Variants in PRELID2 observed in about 807,000 individuals in gnomAD.
PRELID2 encodes the protein PRELI domain containing 2.
In PRELID2, 25 loss-of-function variants were observed where a neutral mutation model predicts 28.4. The observed-to-expected ratio is 0.88, with a 90% confidence interval of 0.64 to 1.23. The LOEUF is 1.23. Ranked by LOEUF, PRELID2 falls within the 50% of genes most tolerant of loss-of-function variation. The pLI, the probability that PRELID2 is intolerant of heterozygous loss-of-function variation, is 0.00. For missense variants in PRELID2, 201 were observed against 214.4 expected (o/e 0.94, Z 0.39); for synonymous variants, 76 against 71.6 (o/e 1.06, Z -0.31).
intron 1 of PRELID2, among the ~76,000 whole-genome samples, chr5:145,571,890 G>C (rs190854351): frequency 1.3e-3 from 194 of 151,580 alleles, no homozygotes; most frequent in African/African-American, 4.4e-3. Context: ...TCTGAGGCAG[G>C]AGAATGGCGT....
intron 1 of PRELID2, among the ~76,000 whole-genome samples, chr5:145,653,379 T>C (rs1158554116): frequency 6.6e-6 from 1 of 152,174 alleles, no homozygotes; most frequent in Non-Finnish European, 1.5e-5. Context: ...GGAATTGAAC[T>C]CAGCTCTGCA....
chr5:145,674,253 T>G (rs1437352550), intron 1 of PRELID2, among the ~76,000 whole-genome samples: 2 of 152,232 alleles, frequency 1.3e-5, no homozygotes, highest in African/African-American at 4.8e-5. Context: ...GTTGGCATGC[T>G]GTACCCATTA....
chr5:145,746,029 A>G (rs1473219141), intron 1 of PRELID2, among the ~76,000 whole-genome samples: 1 of 152,204 alleles, frequency 6.6e-6, no homozygotes, highest in African/African-American at 2.4e-5. Flanking sequence ...TAAATATGGA[A>G]AGGAAAAACT....
At chr5:145,391,610 T>C in the PRELID2 span, among the ~76,000 whole-genome samples, 4 of 152,094 alleles carry the variant, frequency 2.6e-5, no homozygotes, top group Non-Finnish European at 4.4e-5. Flanking sequence ...ATTGTCTTGG[T>C]GATTAACATT....
the PRELID2 span, among the ~76,000 whole-genome samples, chr5:145,287,072 AT>A: frequency 5.9e-5 from 9 of 152,184 alleles, no homozygotes; most frequent in African/African-American, 9.6e-5. Flanking sequence ...CTATTAATAT[AT>A]TTTTTAAACA....
intron 1 of PRELID2, among the ~76,000 whole-genome samples, chr5:145,651,992 G>A (rs1036450456): frequency 2.6e-5 from 4 of 152,186 alleles, no homozygotes; most frequent in Admixed American, 2.0e-4. Flanking sequence ...TCGCAAAGAA[G>A]CTAAAAACCA....
the PRELID2 span, among the ~76,000 whole-genome samples, chr5:145,347,809 A>C: frequency 6.6e-6 from 1 of 152,102 alleles, no homozygotes; most frequent in South Asian, 2.1e-4. Flanking sequence ...CTGTTGGCAT[A>C]TATTGAAACT....
At chr5:145,805,302 G>A (rs1353217148) in intron 4 of PRELID2, among the ~76,000 whole-genome samples, 3 of 152,114 alleles carry the variant, frequency 2.0e-5, no homozygotes, top group African/African-American at 7.2e-5. Flanking sequence ...AAAGTGTTTA[G>A]CGTTTGCTAG....
intron 4 of PRELID2, among the ~76,000 whole-genome samples, chr5:145,804,936 T>C (rs977788499): frequency 1.2e-4 from 18 of 152,204 alleles, no homozygotes; most frequent in African/African-American, 4.3e-4. Context: ...CTGGTGTTGA[T>C]TGTCTGCCCA....
the PRELID2 span, among the ~76,000 whole-genome samples, chr5:145,239,677 C>T: frequency 1.3e-5 from 2 of 151,940 alleles, no homozygotes; most frequent in East Asian, 1.9e-4. Context: ...AATTCAAGGC[C>T]TCCTAGTAAG....
intron 1 of PRELID2, among the ~76,000 whole-genome samples, chr5:145,743,411 CAAA>C (rs59424142): frequency 2.4e-3 from 241 of 101,758 alleles, no homozygotes; most frequent in East Asian, 8.3e-3. Flanking sequence ...AACTCTGCGG[CAAA>C]AAAAAAAAAA....
At chr5:145,279,077 A>G in the PRELID2 span, among the ~76,000 whole-genome samples, 14 of 152,108 alleles carry the variant, frequency 9.2e-5, no homozygotes, top group African/African-American at 7.2e-5. Context: ...AACCCATAAT[A>G]TAAACAAAGA....
the PRELID2 span, among the ~76,000 whole-genome samples, chr5:145,419,937 C>T: frequency 1.3e-5 from 2 of 151,882 alleles, no homozygotes; most frequent in African/African-American, 4.8e-5. Context: ...CCAGTTTCAG[C>T]TTTCTACATA....
the PRELID2 span, among the ~76,000 whole-genome samples, chr5:145,345,767 G>C: frequency 3.3e-5 from 5 of 151,910 alleles, no homozygotes; most frequent in African/African-American, 1.2e-4. Context: ...AAATATAAAG[G>C]GATTCAAGAT....
At chr5:145,444,457 T>A in the PRELID2 span, among the ~76,000 whole-genome samples, 2 of 152,014 alleles carry the variant, frequency 1.3e-5, no homozygotes, top group Non-Finnish European at 2.9e-5. Context: ...GGGCTCTTTT[T>A]TTGGTCCCCA....
chr5:145,507,967 G>A (rs1446752626), intron 1 of PRELID2, among the ~76,000 whole-genome samples: 2 of 152,014 alleles, frequency 1.3e-5, no homozygotes, highest in African/African-American at 4.8e-5. Context: ...TCACCCTAAT[G>A]TTAGTTCTCC....
intron 1 of PRELID2, among the ~76,000 whole-genome samples, chr5:145,720,687 A>G (rs1755964102): frequency 6.6e-6 from 1 of 152,072 alleles, no homozygotes; most frequent in African/African-American, 2.4e-5. Context: ...TGAGGACTTA[A>G]TACATATAAT....
At chr5:145,643,186 T>C (rs1386976716) in intron 1 of PRELID2, among the ~76,000 whole-genome samples, 1 of 152,228 alleles carries the variant, frequency 6.6e-6, no homozygotes, top group Non-Finnish European at 1.5e-5. Flanking sequence ...TCCTCTCTTA[T>C]TTCCTTGAGC....
chr5:145,738,058 T>C (rs1756548511), intron 1 of PRELID2, among the ~76,000 whole-genome samples: 1 of 152,158 alleles, frequency 6.6e-6, no homozygotes. Flanking sequence ...CCCAGGGTGA[T>C]ATCAGTGGAG....
Sources: gnomAD v4.1 joint callset for allele counts (sites outside exome capture counted in the v4.1 genomes callset) on GRCh38, gnomAD v4.1.1 for gene constraint, MANE v1.5 for transcripts, NCBI Gene and HGNC (gene_info 2026-07-23, HGNC 2026-07-21) for gene names.